The following RSRC1 variants were observed in gnomAD, a reference collection of about 807,000 sequenced individuals.
RSRC1 encodes serine/Arginine-related protein 53.
RSRC1 carries 39 observed loss-of-function variants against 49.1 expected under a neutral mutation model. That is an observed-to-expected ratio of 0.79 (90% CI 0.61 to 1.04). The LOEUF is 1.04. Ranked by LOEUF, RSRC1 falls within the 50% of genes least tolerant of loss-of-function variation. The probability of loss-of-function intolerance (pLI) is 0.00; values close to 1 mark genes in which losing one functional copy is unlikely to be tolerated. For synonymous variants in RSRC1, 143 were observed against 130.8 expected, an observed-to-expected ratio of 1.09 and a Z score of -0.63; for missense variants, 388 against 402.4, an observed-to-expected ratio of 0.96 and a Z score of 0.31.
chr3:158,374,438 A>G (rs1424948621), intron 6 of RSRC1, among the ~76,000 whole-genome samples: 1 of 152,160 alleles, frequency 6.6e-6, no homozygotes, highest in Non-Finnish European at 1.5e-5. Flanking sequence ...CCTCCCATTC[A>G]TAAATTGGAA....
intron 1 of RSRC1, among the ~76,000 whole-genome samples, chr3:158,113,823 T>A (rs1459802991): frequency 1.3e-5 from 2 of 152,256 alleles, no homozygotes; most frequent in Non-Finnish European, 2.9e-5. Flanking sequence ...TCTGTTCATG[T>A]TCTTTGCCCA....
intron 3 of RSRC1, among the ~76,000 whole-genome samples, chr3:158,125,917 A>G (rs1394821715): frequency 2.6e-5 from 4 of 152,120 alleles, no homozygotes; most frequent in East Asian, 1.9e-4. Context: ...TAATTGTTAT[A>G]TATTCCAGAA....
chr3:158,146,000 A>T (rs1039530943), intron 3 of RSRC1, among the ~76,000 whole-genome samples: 62 of 152,314 alleles, frequency 4.1e-4, no homozygotes, highest in Non-Finnish European at 7.6e-4. Flanking sequence ...ACTTTGCTGA[A>T]GTTGCTTATC....
At chr3:158,514,413 GT>G in intron 7 of RSRC1, among the ~76,000 whole-genome samples, 1 of 152,196 alleles carries the variant, frequency 6.6e-6, no homozygotes, top group Non-Finnish European at 1.5e-5. Flanking sequence ...CAGTTTCCAT[GT>G]AGTTGAGCGG....
At chr3:158,201,492 T>G (rs1269074138) in intron 3 of RSRC1, among the ~76,000 whole-genome samples, 1 of 152,174 alleles carries the variant, frequency 6.6e-6, no homozygotes, top group Non-Finnish European at 1.5e-5. Context: ...AATAAACATG[T>G]TAGGCATTTG....
At chr3:158,141,126 G>A (rs1716725178) in intron 3 of RSRC1, among the ~76,000 whole-genome samples, 1 of 152,222 alleles carries the variant, frequency 6.6e-6, no homozygotes, top group African/African-American at 2.4e-5. Context: ...CAAAGTCTAA[G>A]AATGGACCTT....
chr3:158,377,266 G>T (rs1415743748), intron 6 of RSRC1, among the ~76,000 whole-genome samples: 1 of 152,094 alleles, frequency 6.6e-6, no homozygotes, highest in Non-Finnish European at 1.5e-5. Flanking sequence ...TACATTAGAT[G>T]CCTTTTCCAC....
intron 6 of RSRC1, among the ~76,000 whole-genome samples, chr3:158,382,329 A>G (rs919474423): frequency 2.0e-5 from 3 of 152,128 alleles, no homozygotes; most frequent in African/African-American, 7.2e-5. Flanking sequence ...AGTAGAAGGA[A>G]TACACTCTAA....
At chr3:158,435,025 G>A (rs1735974021) in intron 6 of RSRC1, among the ~76,000 whole-genome samples, 1 of 151,896 alleles carries the variant, frequency 6.6e-6, no homozygotes, top group Non-Finnish European at 1.5e-5. Flanking sequence ...TTTATTTAAT[G>A]AGGTTTTCTT....
At chr3:158,327,725 A>C (rs1030964921) in intron 5 of RSRC1, among the ~76,000 whole-genome samples, 1 of 152,014 alleles carries the variant, frequency 6.6e-6, no homozygotes, top group African/African-American at 2.4e-5. Context: ...TGGGGTGGAG[A>C]GTTCTGTAGA....
intron 5 of RSRC1, among the ~76,000 whole-genome samples, chr3:158,301,705 A>G (rs1237888519): frequency 1.3e-5 from 2 of 152,182 alleles, no homozygotes; most frequent in East Asian, 1.9e-4. Context: ...CCTTTCTCCA[A>G]TGAATATAGT....
chr3:158,330,035 G>C (rs1189903568), intron 5 of RSRC1, among the ~76,000 whole-genome samples: 1 of 152,240 alleles, frequency 6.6e-6, no homozygotes, highest in Non-Finnish European at 1.5e-5. Flanking sequence ...CTCCGAGCCA[G>C]GCGCAGGATA....
rs146109896 is a variant in RSRC1, at chr3:158,324,437, G to C, written c.531+26362G>C. Among the ~76,000 whole-genome samples, 345 of 152,220 alleles carry C rather than the reference G, an allele frequency of 2.3e-3. 1 individual carries two copies. The highest frequency in any genetic ancestry group is 7.6e-3 in the African/African-American group (314 of 41,540). On this transcript the variant is annotated intron_variant, in intron 5 of 9. Transcript: ENST00000611884. ...GTGATGTTCCCCTTCCTGTGTCCAA[G>C]TGTTCTCATTGTTCAATTCCCACCT...
intron 7 of RSRC1, among the ~76,000 whole-genome samples, chr3:158,517,366 C>A (rs1263771261): frequency 6.6e-6 from 1 of 152,076 alleles, no homozygotes; most frequent in African/African-American, 2.4e-5. Context: ...ACTGCACTGA[C>A]TGCAACCCCC....
intron 4 of RSRC1, among the ~76,000 whole-genome samples, chr3:158,267,783 T>G (rs1725272989): frequency 6.6e-6 from 1 of 151,894 alleles, no homozygotes; most frequent in Non-Finnish European, 1.5e-5. Context: ...CCAATAAATA[T>G]TTATGTGATA....
At chr3:158,144,997 A>C (rs1031326007) in intron 3 of RSRC1, among the ~76,000 whole-genome samples, 1 of 151,984 alleles carries the variant, frequency 6.6e-6, no homozygotes, top group Non-Finnish European at 1.5e-5. Flanking sequence ...TTTCTTGTAA[A>C]TTTGTTTGAG....
chr3:158,331,887 A>G (rs1729568323), intron 5 of RSRC1, among the ~76,000 whole-genome samples: 1 of 151,140 alleles, frequency 6.6e-6, no homozygotes, highest in Non-Finnish European at 1.5e-5. Flanking sequence ...TATCATTCCT[A>G]CACTACCATA....
At chr3:158,325,843 G>A (rs1425046296) in intron 5 of RSRC1, among the ~76,000 whole-genome samples, 1 of 152,084 alleles carries the variant, frequency 6.6e-6, no homozygotes, top group Non-Finnish European at 1.5e-5. Context: ...TCACAATATT[G>A]ATTCTTCCTA....
intron 5 of RSRC1, among the ~76,000 whole-genome samples, chr3:158,351,918 T>C (rs951314878): frequency 6.8e-6 from 1 of 146,970 alleles, no homozygotes. Flanking sequence ...ATAAATATTA[T>C]ATATATATAA....
Sources: gnomAD v4.1 joint callset for allele counts (sites outside exome capture counted in the v4.1 genomes callset) on GRCh38, gnomAD v4.1.1 for gene constraint, MANE v1.5 for transcripts, NCBI Gene and HGNC (gene_info 2026-07-23, HGNC 2026-07-21) for gene names.